Variants in GPATCH1 observed in about 807,000 individuals in gnomAD.
GPATCH1 encodes G patch domain-containing protein 1.
Under a neutral mutation model 114.9 loss-of-function variants are expected in GPATCH1, and 73 were observed. The ratio of observed to expected loss-of-function variants is 0.64; its 90% confidence interval spans 0.53 to 0.77. The LOEUF is 0.77. GPATCH1 is among the 30% of genes least tolerant of loss of function. The probability of loss-of-function intolerance (pLI) is 0.00; values close to 1 mark genes in which losing one functional copy is unlikely to be tolerated. For synonymous variants in GPATCH1, 391 were observed against 428.4 expected (o/e 0.91, Z 1.08); for missense variants, 1,058 against 1,144.3 (o/e 0.92, Z 1.09).
chr19:33,130,091 C>G, intron 19 of GPATCH1, 39 bp from the exon 20 acceptor site: 1 of 1,561,076 alleles, frequency 6.4e-7, no homozygotes, highest in Non-Finnish European at 8.8e-7. Context: ...TTCACTTTAG[C>G]TAACTTTCCA....
intron 1 of GPATCH1, among the ~76,000 whole-genome samples, chr19:33,084,814 C>T (rs1339006554): frequency 1.3e-5 from 2 of 152,138 alleles, no homozygotes; most frequent in Non-Finnish European, 2.9e-5. Flanking sequence ...GCGCATGCCA[C>T]CACGCCCGGC....
intron 1 of GPATCH1, among the ~76,000 whole-genome samples, chr19:33,082,806 C>CT (rs1337465916): frequency 6.6e-6 from 1 of 152,024 alleles, no homozygotes; most frequent in African/African-American, 2.4e-5. Flanking sequence ...ATCCCAAGTT[C>CT]TTTTTTTATA....
At chr19:33,122,117 C>G (rs113509743) in intron 17 of GPATCH1, among the ~76,000 whole-genome samples, 3,138 of 151,872 alleles carry the variant, frequency 0.021, 110 homozygotes, top group African/African-American at 0.071. Context: ...CTCCCAAGTT[C>G]AGGTGATTCT....
chr19:33,106,869 G>T lies in GPATCH1; in HGVS notation c.1255G>T (p.Ala419Ser). The change falls in exon 10 of 20, where the codon GCT becomes TCT. Residue 419 changes from alanine (A) to serine (S), a missense_variant. Ala to Ser is a moderately conservative substitution (Grantham distance 99). Coordinates refer to ENST00000170564, the MANE Select transcript of GPATCH1 (RefSeq NM_018025.3). ...SKHQLNASKRAELLGETPIQG... is the reference protein window; with the variant it reads ...SKHQLNASKRSELLGETPIQG... ...GCACCAACTGAATGCCTCCAAACGG[G>T]CTGAGTTGCTTGGAGAGACGCCTAT... 6.2e-7 allele frequency: 1 copy of T among 1,613,996 alleles called. No homozygotes were observed.
chr19:33,107,348 C>T (rs139600740), intron 10 of GPATCH1, among the ~76,000 whole-genome samples: 106 of 152,288 alleles, frequency 7.0e-4, no homozygotes, highest in South Asian at 2.9e-3. Context: ...TGAGCCTCTG[C>T]GCCCAGCCAA....
At chr19:33,088,112 C>CTTTTTTTT in intron 1 of GPATCH1, 22 bp from the exon 2 acceptor site, 2 of 1,103,924 alleles carry the variant, frequency 1.8e-6, no homozygotes, top group Non-Finnish European at 2.4e-6. Flanking sequence ...ATTTAAAAAA[C>CTTTTTTTT]TTTTTTTTTT....
Position 33,097,791 on chromosome 19 carries a change from G to A in GPATCH1, c.889G>A (p.Asp297Asn), listed in dbSNP as rs775373927. 1.2e-6 allele frequency: 2 copies of A among 1,613,946 alleles called. No homozygotes were observed. Among genetic ancestry groups the A allele is most frequent in the Admixed American group, 1.7e-5 (1 of 60,010 alleles). The change falls in exon 8 of 20, where the codon GAT becomes AAT. Residue 297 changes from aspartate (D) to asparagine (N), a missense_variant. Asp to Asn is a conservative substitution (Grantham distance 23). Coordinates refer to ENST00000170564, the MANE Select transcript of GPATCH1 (RefSeq NM_018025.3). ...AGGTGCCCTGGAAGAGGAAGATGAT[G>A]ATATCTATGCCACAGAAACTCTATC... ...GVGALEEEDD[D>N]IYATETLSKY... is the part of the protein sequence containing the mutation.
At chr19:33,093,867 T>C (rs1037998232) in intron 4 of GPATCH1, among the ~76,000 whole-genome samples, 2 of 152,176 alleles carry the variant, frequency 1.3e-5, no homozygotes, top group East Asian at 1.9e-4. Flanking sequence ...TGGCCTGATA[T>C]GGCAGCCTTA....
At chr19:33,107,940 T>C (rs1223426958) in intron 10 of GPATCH1, among the ~76,000 whole-genome samples, 3 of 152,104 alleles carry the variant, frequency 2.0e-5, no homozygotes, top group Non-Finnish European at 2.9e-5. Flanking sequence ...CACGTTCGTG[T>C]GCTGCACCTA....
intron 3 of GPATCH1, among the ~76,000 whole-genome samples, chr19:33,091,573 C>T (rs935571835): frequency 6.6e-6 from 1 of 151,962 alleles, no homozygotes; most frequent in African/African-American, 2.4e-5. Context: ...ACCTTAAAAC[C>T]TGGTCGCGGA....
At chr19:33,092,563 C>T (rs75919313) in intron 3 of GPATCH1, among the ~76,000 whole-genome samples, 3,126 of 152,226 alleles carry the variant, frequency 0.021, 44 homozygotes, top group Non-Finnish European at 0.031. Context: ...CAATGTGTGG[C>T]GGTGCAGAGG....
Position 33,125,185 on chromosome 19 carries a change from A to T in GPATCH1, c.2602A>T (p.Arg868Trp). The change falls in exon 18 of 20, where the codon AGG becomes TGG. Residue 868 changes from arginine (R) to tryptophan (W), a missense_variant. Arg to Trp is a moderately radical substitution (Grantham distance 101, BLOSUM62 -3). This residue lies in a region of GPATCH1 where 893 missense variants were observed against 977.4 expected (regional missense o/e 0.91). Coordinates refer to ENST00000170564, the MANE Select transcript of GPATCH1 (RefSeq NM_018025.3). ...CAAGCACAAGGCCAAGAAAGAGCAC[A>T]GGCGGAAGAAAGAGAAGGTGAGAGA... Reference protein sequence around the residue: ...KDKHKAKKEHRRKKEKKKKHR... With the variant: ...KDKHKAKKEHWRKKEKKKKHR... 3 of 1,594,166 alleles carry T rather than the reference A, an allele frequency of 1.9e-6. No individual in the cohort carries two copies. In the East Asian group the frequency reaches 6.9e-5, roughly 37 times the overall value.
chr19:33,096,876 G>T (rs1486254733), intron 7 of GPATCH1, among the ~76,000 whole-genome samples: 1 of 151,970 alleles, frequency 6.6e-6, no homozygotes, highest in African/African-American at 2.4e-5. Flanking sequence ...TGATCCACCT[G>T]CCTCGGCCTC....
chr19:33,128,041 T>G (rs1973062578), intron 19 of GPATCH1, among the ~76,000 whole-genome samples: 1 of 152,104 alleles, frequency 6.6e-6, no homozygotes, highest in Non-Finnish European at 1.5e-5. Context: ...GTGCACATTT[T>G]AAATATAAGT....
chr19:33,123,073 AAAATAAATAAATAAATAAAT>A (rs35241970), intron 17 of GPATCH1, among the ~76,000 whole-genome samples: 2,846 of 138,410 alleles, frequency 0.021, 98 homozygotes, highest in African/African-American at 0.071. Context: ...TGCTGTCTCA[AAAATAAATAAATAAATAAAT>A]AAATAAATAA....
rs746378383 is a variant in GPATCH1 at position 33,126,733 on chromosome 19, G to T, written c.2765G>T (p.Arg922Leu). The T allele has an allele frequency of 1.2e-6, 2 of 1,607,954 alleles. No homozygotes were observed. The highest frequency in any genetic ancestry group is 1.1e-5 in the South Asian group (1 of 90,310). ...GTGTCGCCCCAGGAGCTGCTGAGAC[G>T]GTGGGTAGTGGGAGATGGAGGGTTT... ...ADVSPQELLR[R>L]LKSLPLRRQ Residue 922 changes from arginine (R) to leucine (L), a missense_variant and splice_region_variant, in exon 19 of 20, where the codon CGG (arginine) becomes CTG (leucine). By Grantham distance (102) the Arg-to-Leu change is moderately radical (BLOSUM62 -2). This residue lies in a region of GPATCH1 where 893 missense variants were observed against 977.4 expected (regional missense o/e 0.91). Coordinates refer to ENST00000170564, the MANE Select transcript of GPATCH1 (RefSeq NM_018025.3).
Position 33,101,436 on chromosome 19 carries a change from G to A in GPATCH1, c.1001-59G>A, listed in dbSNP as rs1308866020. 8.5e-6 allele frequency: 8 copies of A among 938,848 alleles called. No homozygotes were observed. The East Asian group carries it at 1.7e-4, about 20-fold the overall frequency. 58.2% of individuals were successfully genotyped at this position (938,848 alleles called of 1,614,324 possible). On this transcript the variant is annotated intron_variant, in intron 8 of 19. Transcript: ENST00000170564. ...AGATAAGAACGTAAAATGCTGATGTGTTCTGTCTTATTCTAATCATCTCTA... is the reference window on the plus strand; with the variant it reads ...AGATAAGAACGTAAAATGCTGATGTATTCTGTCTTATTCTAATCATCTCTA...
intron 15 of GPATCH1, among the ~76,000 whole-genome samples, chr19:33,115,846 T>C (rs1972911305): frequency 6.6e-6 from 1 of 152,200 alleles, no homozygotes; most frequent in Non-Finnish European, 1.5e-5. Context: ...TAAAATACAT[T>C]TTGATAATTT....
chr19:33,119,081 G>C lies in GPATCH1; in HGVS notation c.2485G>C (p.Glu829Gln), dbSNP rs781284938. 4 of 1,613,018 alleles carry C rather than the reference G, an allele frequency of 2.5e-6. No homozygotes were observed. The highest frequency in any genetic ancestry group is 1.7e-5 in the Admixed American group (1 of 59,838). The change falls in exon 17 of 20, where the codon GAG becomes CAG. Residue 829 changes from glutamate to glutamine, a missense_variant. Physicochemically the swap from Glu to Gln is conservative, Grantham distance 29. This residue lies in a region of GPATCH1 where 893 missense variants were observed against 977.4 expected (regional missense o/e 0.91). Coordinates refer to ENST00000170564, the MANE Select transcript of GPATCH1 (RefSeq NM_018025.3). ...AAAGATGCAGATAGATGAAAGAGAA[G>C]AGTTCGGCCCGCGGCTGCCTCCCGT... ...IQKMQIDEREEFGPRLPPVFC... is the reference protein window; with the variant it reads ...IQKMQIDEREQFGPRLPPVFC...
Sources: gnomAD v4.1 joint callset for allele counts (sites outside exome capture counted in the v4.1 genomes callset) on GRCh38, gnomAD v4.1.1 for gene constraint, gnomAD v4.1.1 regional missense constraint, MANE v1.5 for transcripts, NCBI Gene and HGNC (gene_info 2026-07-23, HGNC 2026-07-21) for gene names.